KIAA1549: variants seen among roughly 807,000 people sequenced by gnomAD.
KIAA1549 encodes UPF0606 protein KIAA1549.
In KIAA1549, 70 loss-of-function variants were observed where a neutral mutation model predicts 156.4. That is an observed-to-expected ratio of 0.45 (90% CI 0.37 to 0.55). KIAA1549 has a LOEUF of 0.55. Ranked by LOEUF, KIAA1549 falls within the 20% of genes least tolerant of loss-of-function variation. The pLI, the probability that KIAA1549 is intolerant of heterozygous loss-of-function variation, is 0.00. For synonymous variants in KIAA1549, 1,103 were observed against 1,066.4 expected (o/e 1.03, Z -0.67); for missense variants, 2,428 against 2,540.9 (o/e 0.96, Z 0.96).
chr7:138,904,098 GCACTTATCTCAA>G (rs1811940921), intron 7 of KIAA1549, among the ~76,000 whole-genome samples: 1 of 152,190 alleles, frequency 6.6e-6, no homozygotes, highest in African/African-American at 2.4e-5. Context: ...CATTTTGTCT[GCACTTATCTCAA>G]CACTTCTGGA....
chr7:138,886,256 T>C (rs566039533), intron 10 of KIAA1549, among the ~76,000 whole-genome samples: 119 of 152,218 alleles, frequency 7.8e-4, no homozygotes, highest in Middle Eastern at 6.8e-3. Flanking sequence ...ACAACATCAG[T>C]GGCTTAGGTC....
At position 138,832,852 on chromosome 7, in the gene KIAA1549, G is replaced by A. The variant is rs1288261548; in HGVS notation, c.*5054C>T. The A allele has an allele frequency of 2.2e-5, 5 of 227,380 alleles. No homozygotes were observed. The highest frequency in any genetic ancestry group is 6.3e-5 in the East Asian group (1 of 15,812). 14.1% of individuals were successfully genotyped at this position (227,380 alleles called of 1,614,324 possible). A position where few individuals can be genotyped will look rare whatever the true frequency, so the allele number is the denominator to read the frequency against. On this transcript the variant is annotated 3_prime_UTR_variant, in exon 20 of 20. Transcript: ENST00000422774. Reference sequence around the variant, plus strand: ...TTTAAACACTGACAATCACCTCCACGAATATCAAAAGAAACCCGAAATGCA... The same window carrying A: ...TTTAAACACTGACAATCACCTCCACAAATATCAAAAGAAACCCGAAATGCA...
chr7:138,883,012 G>A (rs551014674), intron 10 of KIAA1549, among the ~76,000 whole-genome samples: 3 of 150,592 alleles, frequency 2.0e-5, no homozygotes, highest in South Asian at 4.2e-4. Context: ...AGCATTTCGG[G>A]AGGCTGAATC....
chr7:138,980,595 G>A (rs1374091491), intron 1 of KIAA1549, among the ~76,000 whole-genome samples: 1 of 152,192 alleles, frequency 6.6e-6, no homozygotes, highest in East Asian at 1.9e-4. Flanking sequence ...CCTGCTGTAC[G>A]GGGGGACACG....
intron 1 of KIAA1549, among the ~76,000 whole-genome samples, chr7:138,936,218 G>A (rs543930138): frequency 1.2e-4 from 19 of 152,276 alleles, no homozygotes; most frequent in African/African-American, 3.6e-4. Context: ...TGGAATGGAT[G>A]GGGAAGACAG....
intron 18 of KIAA1549, among the ~76,000 whole-genome samples, chr7:138,842,115 G>A (rs568019535): frequency 5.3e-5 from 8 of 152,300 alleles, no homozygotes; most frequent in South Asian, 4.1e-4. Context: ...CAAGAGCAGC[G>A]CGGTGTTCCC....
chr7:138,975,822 C>T (rs1814361232), intron 1 of KIAA1549, among the ~76,000 whole-genome samples: 1 of 152,186 alleles, frequency 6.6e-6, no homozygotes, highest in South Asian at 2.1e-4. Context: ...CGGTAATTAG[C>T]TGCCTCTATC....
chr7:138,978,978 G>A (rs1016842992), intron 1 of KIAA1549, among the ~76,000 whole-genome samples: 6 of 152,278 alleles, frequency 3.9e-5, no homozygotes, highest in African/African-American at 1.4e-4. Flanking sequence ...CCTCCAGCAG[G>A]TCATCCATAA....
At chr7:138,904,898 G>T in intron 7 of KIAA1549, 124 bp downstream of exon 7, 1 of 610,424 alleles carries the variant, frequency 1.6e-6, no homozygotes. Context: ...TTCATTCTTT[G>T]CCAAGAATGT....
At chr7:138,903,846 T>TGC (rs1811924736) in intron 7 of KIAA1549, 110 bp from the exon 8 acceptor site, 1 of 385,044 alleles carries the variant, frequency 2.6e-6, no homozygotes, top group Non-Finnish European at 3.8e-6. Flanking sequence ...TGTGTGTGTG[T>TGC]GTGTGTGCGC....
intron 1 of KIAA1549, among the ~76,000 whole-genome samples, chr7:138,955,267 A>T (rs536273189): frequency 1.1e-4 from 16 of 152,250 alleles, no homozygotes; most frequent in Non-Finnish European, 2.4e-4. Context: ...ATGAATAAAC[A>T]AACGGTGGCA....
At chr7:138,880,597 C>T (rs1563060760) in intron 11 of KIAA1549, among the ~76,000 whole-genome samples, 1 of 152,140 alleles carries the variant, frequency 6.6e-6, no homozygotes, top group South Asian at 2.1e-4. Flanking sequence ...CAGGATTTGG[C>T]GTTCCAAAGC....
chr7:138,936,825 A>G (rs1304654165), intron 1 of KIAA1549, among the ~76,000 whole-genome samples: 1 of 149,278 alleles, frequency 6.7e-6, no homozygotes, highest in Non-Finnish European at 1.5e-5. Flanking sequence ...CCCTGATTAG[A>G]GGTGTGTGTT....
chr7:138,968,141 G>C (rs1814087584), intron 1 of KIAA1549, among the ~76,000 whole-genome samples: 1 of 152,084 alleles, frequency 6.6e-6, no homozygotes, highest in Non-Finnish European at 1.5e-5. Flanking sequence ...TAAACAATGA[G>C]ATCACATGGA....
chr7:138,911,224 C>T lies in KIAA1549; in HGVS notation c.3067G>A (p.Val1023Ile), dbSNP rs898283973. The change falls in exon 4 of 20, where the codon GTC (valine) becomes ATC (isoleucine). Residue 1023 changes from valine to isoleucine, a missense_variant. Physicochemically the swap from Val to Ile is conservative, Grantham distance 29. This residue lies in a region of KIAA1549 where 762 missense variants were observed against 901.6 expected (regional missense o/e 0.85). Coordinates refer to ENST00000422774, the MANE Select transcript of KIAA1549 (RefSeq NM_001164665.2). ...AGGATTAAAGGAGTCTGGTCACGGA[C>T]AAGCTTACTGTTTATAAGCACATTT... is the stretch of plus-strand genomic sequence containing the variant. ...VINVLINSKL[V>I]RDQTPLILSV... 6.2e-7 allele frequency: 1 copy of T among 1,600,344 alleles called. No individual in the cohort carries two copies. Among genetic ancestry groups the T allele is most frequent in the Admixed American group, 1.7e-5 (1 of 58,314 alleles).
At chr7:138,936,725 A>ACCCCCCCCCCCCCCCCCCCCCCCC (rs139640080) in intron 1 of KIAA1549, among the ~76,000 whole-genome samples, 1 of 136,000 alleles carries the variant, frequency 7.4e-6, no homozygotes, top group Non-Finnish European at 1.6e-5. Context: ...GAGATGTGTG[A>ACCCCCCCCCCCCCCCCCCCCCCCC]CCCCCCCCAC....
intron 1 of KIAA1549, among the ~76,000 whole-genome samples, chr7:138,957,188 CG>C (rs1422394694): frequency 6.7e-6 from 1 of 150,040 alleles, no homozygotes. Flanking sequence ...CAGAGCAATA[CG>C]GTTAACAGGA....
intron 1 of KIAA1549, among the ~76,000 whole-genome samples, chr7:138,965,483 G>A (rs969626598): frequency 2.0e-5 from 3 of 152,090 alleles, no homozygotes; most frequent in Non-Finnish European, 2.9e-5. Context: ...GAGCCACCAC[G>A]CCCGGCAACG....
chr7:138,883,329 T>C (rs938038904), intron 10 of KIAA1549, among the ~76,000 whole-genome samples: 1 of 149,764 alleles, frequency 6.7e-6, no homozygotes, highest in Non-Finnish European at 1.5e-5. Context: ...TTTTTTTTTT[T>C]CTTAAGACAG....
Sources: allele counts gnomAD v4.1 joint callset (sites outside exome capture counted in the v4.1 genomes callset), GRCh38; gene constraint gnomAD v4.1.1; regional missense constraint gnomAD v4.1.1; transcripts MANE v1.5; gene names NCBI Gene and HGNC (gene_info 2026-07-23, HGNC 2026-07-21).